CSMD1: variants seen among roughly 807,000 people sequenced by gnomAD.
The protein encoded by CSMD1 is CUB and sushi domain-containing protein 1.
CSMD1 carries 213 observed loss-of-function variants against 417.5 expected under a neutral mutation model. The observed-to-expected ratio is 0.51, with a 90% CI of 0.46 to 0.57. The LOEUF (loss-of-function observed/expected upper bound fraction) is 0.57, where lower values mean the gene tolerates loss of function less well. Among genes scored for constraint, CSMD1 ranks in the 20% least tolerant of loss-of-function variants. The probability of loss-of-function intolerance (pLI) is 0.00; values close to 1 mark genes in which losing one functional copy is unlikely to be tolerated. For missense variants in CSMD1, 6,923 were observed against 4,529.7 expected (o/e 1.53, Z -15.17); for synonymous variants, 2,862 against 1,736.8 (o/e 1.65, Z -16.11).
At chr8:4,917,642 T>A (rs1324067097) in intron 1 of CSMD1, among the ~76,000 whole-genome samples, 4 of 129,322 alleles carry the variant, frequency 3.1e-5, no homozygotes, top group Non-Finnish European at 6.5e-5. Flanking sequence ...TCAAAATAAA[T>A]AAATAAATGA....
rs185612839 is a variant in CSMD1 at position 3,932,945 on chromosome 8, G to C, written c.818+64958C>G. ...AAGTAACTAAATCTTTTTTAAAAGT[G>C]TATGTGAATTTTTAAATTTTTTGCT... On this transcript the variant is annotated intron_variant, in intron 5 of 69. Transcript: ENST00000635120. Among the ~76,000 whole-genome samples, 140 of 149,310 alleles carry C rather than the reference G, an allele frequency of 9.4e-4. 7 individuals carry two copies. The highest frequency in any genetic ancestry group is 1.8e-3 in the Admixed American group (27 of 15,034).
chr8:4,614,121 A>C (rs994434527), intron 2 of CSMD1, among the ~76,000 whole-genome samples: 1 of 152,166 alleles, frequency 6.6e-6, no homozygotes, highest in African/African-American at 2.4e-5. Flanking sequence ...AGATGCAATA[A>C]AAACAATGAA....
intron 2 of CSMD1, among the ~76,000 whole-genome samples, chr8:4,425,265 G>C (rs1053278924): frequency 1.3e-5 from 2 of 151,560 alleles, no homozygotes; most frequent in South Asian, 2.1e-4. Context: ...AGTGTCATAA[G>C]ACTACTGTTC....
intron 49 of CSMD1, among the ~76,000 whole-genome samples, chr8:3,067,895 AG>A (rs1194734003): frequency 1.3e-5 from 2 of 152,136 alleles, no homozygotes; most frequent in African/African-American, 2.4e-5. Flanking sequence ...ACTGTTGTCC[AG>A]AAATATTAGA....
intron 12 of CSMD1, among the ~76,000 whole-genome samples, chr8:3,460,350 T>C (rs117566217): frequency 0.011 from 1,657 of 152,238 alleles, 14 homozygotes; most frequent in Non-Finnish European, 0.018. Context: ...ATCAAGTGTA[T>C]GTGAGTGGTG....
chr8:4,767,407 C>T (rs1221728175), intron 1 of CSMD1, among the ~76,000 whole-genome samples: 1 of 152,052 alleles, frequency 6.6e-6, no homozygotes, highest in Non-Finnish European at 1.5e-5. Context: ...GGTACCTGTG[C>T]ACTATCATTC....
intron 1 of CSMD1, among the ~76,000 whole-genome samples, chr8:4,659,787 T>C (rs1348076855): frequency 6.6e-6 from 1 of 152,104 alleles, no homozygotes; most frequent in Non-Finnish European, 1.5e-5. Flanking sequence ...TTAATTTATA[T>C]TAAGTAAATT....
intron 1 of CSMD1, among the ~76,000 whole-genome samples, chr8:4,917,149 G>C (rs60561627): frequency 6.0e-4 from 92 of 152,288 alleles, no homozygotes; most frequent in African/African-American, 2.1e-3. Context: ...AAGTTGGCAT[G>C]TCCTACTTGG....
At chr8:3,091,459 A>G (rs1814936965) in intron 48 of CSMD1, 57 bp downstream of exon 48, 2 of 1,344,266 alleles carry the variant, frequency 1.5e-6, no homozygotes, top group Admixed American at 2.5e-5. Flanking sequence ...GTTTTATTCA[A>G]TGAAAATCAC....
At chr8:3,565,660 A>G (rs1405440493) in intron 10 of CSMD1, among the ~76,000 whole-genome samples, 1 of 152,242 alleles carries the variant, frequency 6.6e-6, no homozygotes, top group East Asian at 1.9e-4. Context: ...CTCCTTCCCT[A>G]AAACAGATCT....
chr8:3,112,316 G>A (rs1024911319), intron 42 of CSMD1, among the ~76,000 whole-genome samples: 1 of 152,162 alleles, frequency 6.6e-6, no homozygotes, highest in East Asian at 1.9e-4. Flanking sequence ...ACAATGCTAA[G>A]GTTTCCCTTT....
chr8:3,360,329 T>C (rs929006362), intron 20 of CSMD1, among the ~76,000 whole-genome samples: 6 of 152,258 alleles, frequency 3.9e-5, no homozygotes, highest in African/African-American at 1.4e-4. Flanking sequence ...ACTTCTGTGT[T>C]TGCCACGTTC....
intron 2 of CSMD1, among the ~76,000 whole-genome samples, chr8:4,597,508 C>G (rs1046406066): frequency 6.6e-6 from 1 of 151,988 alleles, no homozygotes; most frequent in Non-Finnish European, 1.5e-5. Flanking sequence ...ATATACTTGA[C>G]CAGTTACTCT....
intron 1 of CSMD1, among the ~76,000 whole-genome samples, chr8:4,922,256 G>A (rs370754439): frequency 2.2e-4 from 33 of 152,212 alleles, no homozygotes; most frequent in East Asian, 1.4e-3. Flanking sequence ...CAGATGATAC[G>A]TACACTGAAT....
At position 3,302,105 on chromosome 8, in the gene CSMD1, C is replaced by T. The variant is rs718123; in HGVS notation, c.3950+5590G>A. Among the ~76,000 whole-genome samples the T allele has an allele frequency of 1.8e-3, 275 of 152,032 alleles. 1 individual carries two copies. Among genetic ancestry groups the T allele is most frequent in the African/African-American group, 6.2e-3 (255 of 41,462 alleles). The stretch of plus-strand genomic sequence containing the variant: ...ACACTGAAGACTAAAGTCTCCCGCC[C>T]CTTGGAGGGAGACAGTAACACAAAT... On this transcript the variant is annotated intron_variant, in intron 25 of 69. Coordinates refer to ENST00000635120, the MANE Select transcript of CSMD1 (RefSeq NM_033225.6).
intron 1 of CSMD1, among the ~76,000 whole-genome samples, chr8:4,728,148 A>G (rs1032181203): frequency 2.0e-5 from 3 of 147,212 alleles, no homozygotes; most frequent in Non-Finnish European, 3.0e-5. Context: ...CTATATATCA[A>G]ATATATATAT....
intron 7 of CSMD1, among the ~76,000 whole-genome samples, chr8:3,651,407 A>C (rs1439773384): frequency 6.6e-6 from 1 of 152,026 alleles, no homozygotes; most frequent in Non-Finnish European, 1.5e-5. Context: ...ATGGCCCTTC[A>C]TGGAGTACCT....
chr8:3,469,107 G>C (rs946750795), intron 11 of CSMD1: 6 of 277,790 alleles, frequency 2.2e-5, no homozygotes, highest in East Asian at 8.0e-5. Context: ...CTGGAACCGA[G>C]AGGCTTCCCC....
intron 3 of CSMD1, among the ~76,000 whole-genome samples, chr8:4,133,963 C>G (rs912371115): frequency 1.3e-5 from 2 of 152,104 alleles, no homozygotes; most frequent in Admixed American, 6.6e-5. Context: ...TGCAAACAAA[C>G]ATTTTTAAAC....
Sources: gnomAD v4.1 joint callset for allele counts (sites outside exome capture counted in the v4.1 genomes callset) on GRCh38, gnomAD v4.1.1 for gene constraint, MANE v1.5 for transcripts, NCBI Gene and HGNC (gene_info 2026-07-23, HGNC 2026-07-21) for gene names.